Variants in TRO observed in about 807,000 individuals in gnomAD.
TRO encodes the protein MAGE superfamily protein.
TRO carries 29 observed loss-of-function variants against 42.3 expected under a neutral mutation model. The observed-to-expected ratio is 0.68, with a 90% CI of 0.51 to 0.93. TRO has a LOEUF of 0.93. Ranked by LOEUF, TRO falls within the 40% of genes least tolerant of loss-of-function variation. The probability of loss-of-function intolerance (pLI) is 0.00; values close to 1 mark genes in which losing one functional copy is unlikely to be tolerated. For missense variants in TRO, 963 were observed against 1,127.7 expected (o/e 0.85, Z 2.09); for synonymous variants, 384 against 425.2 (o/e 0.90, Z 1.19).
chrX:54,921,514 A>T (rs1932034686), intron 1 of TRO: 1 of 108,442 alleles, frequency 9.2e-6, no homozygotes, highest in South Asian at 4.2e-4. Flanking sequence ...ACACTTGCAG[A>T]CGTGGAAAGA....
chrX:54,924,497 G>A lies in TRO; in HGVS notation c.1283G>A (p.Arg428Gln), dbSNP rs772309321. 2.2e-5 allele frequency: 27 copies of A among 1,207,643 alleles called. No individual in the cohort carries two copies. The highest frequency in any genetic ancestry group is 1.1e-4 in the South Asian group (6 of 56,011). ...GDERSGSNYR[R>Q]IPWGRRPAPP... Reference sequence around the variant, plus strand: ...GAGAGAAGTGGCAGTAATTACAGGCGGATCCCATGGGGCCGGAGGCCTGCA... The same window carrying A: ...GAGAGAAGTGGCAGTAATTACAGGCAGATCCCATGGGGCCGGAGGCCTGCA... Residue 428 changes from arginine (R) to glutamine (Q), a missense_variant, in exon 4 of 13, where the codon CGG (arginine) becomes CAG (glutamine). By Grantham distance (43) the Arg-to-Gln change is conservative (BLOSUM62 1). Transcript: ENST00000173898.
chrX:54,921,989 G>T (rs1317034013), intron 1 of TRO: 4 of 327,818 alleles, frequency 1.2e-5, no homozygotes, highest in African/African-American at 1.1e-4. Context: ...GCACTATCGA[G>T]TTGCGGAGGG....
rs769430731 is a variant in TRO at position 54,923,126 on chromosome X, C to A, written c.594C>A (p.Thr198=). Residue 198 remains threonine (T), a synonymous_variant, in exon 3 of 13, where the codon ACC becomes ACA. Coordinates refer to ENST00000173898, the MANE Select transcript of TRO (RefSeq NM_001039705.3). ...NESASSQALI[T]SIKPKKASKA... ...CAGCCAGTTCCCAAGCCTTGATAAC[C>A]TCTATCAAGCCTAAGAAAGCTTCCA... is the stretch of plus-strand genomic sequence containing the variant. The A allele has an allele frequency of 1.7e-6, 2 of 1,209,919 alleles. No homozygotes were observed. Among genetic ancestry groups the A allele is most frequent in the Middle Eastern group, 2.3e-4 (1 of 4,374 alleles).
chrX:54,923,084 T>A lies in TRO; in HGVS notation c.552T>A (p.Ala184=), dbSNP rs1376491116. The A allele has an allele frequency of 1.7e-6, 2 of 1,211,633 alleles. No individual in the cohort carries two copies. The highest frequency in any genetic ancestry group is 1.8e-5 in the South Asian group (1 of 56,941). ...CAGTCATCTCACAGAATATTCACGC[T>A]CCAATTGCCAATGAGTCAGCCAGTT... ...KLPVISQNIH[A]PIANESASSQ... The change falls in exon 3 of 13, where the codon GCT becomes GCA. Residue 184 remains alanine (A), a synonymous_variant. Coordinates refer to ENST00000173898, the MANE Select transcript of TRO (RefSeq NM_001039705.3).
chrX:54,930,052 G>C lies in TRO; in HGVS notation c.3328G>C (p.Gly1110Arg). Residue 1110 changes from glycine to arginine, a missense_variant, in exon 12 of 13, where the codon GGT (glycine) becomes CGT (arginine). Transcript: ENST00000173898. ...TGCATTTAGCACCAGTGCTGGCTTC[G>C]GTGGGGCACTTAGTACCGCTGCTGA... ...GGAFSTSAGFGGALSTAADFG... is the reference protein window; with the variant it reads ...GGAFSTSAGFRGALSTAADFG... 1 of 1,207,432 alleles carries C rather than the reference G, an allele frequency of 8.3e-7. No individual in the cohort carries two copies. Among genetic ancestry groups the C allele is most frequent in the Non-Finnish European group, 1.1e-6 (1 of 892,895 alleles).
intron 3 of TRO, among the ~76,000 whole-genome samples, chrX:54,924,221 A>C (rs184660209): frequency 1.6e-4 from 18 of 112,256 alleles, no homozygotes; most frequent in Admixed American, 4.7e-4. Context: ...TTAGGCTCTT[A>C]TCTTGAGTTG....
At position 54,923,137 on chromosome X, in the gene TRO, C is replaced by T. The variant is rs1313923723; in HGVS notation, c.605C>T (p.Pro202Leu). 8.3e-7 allele frequency: 1 copy of T among 1,211,565 alleles called. No homozygotes were observed. The highest frequency in any genetic ancestry group is 1.8e-5 in the South Asian group (1 of 56,923). Residue 202 changes from proline (P) to leucine (L), a missense_variant, in exon 3 of 13, where the codon CCT becomes CTT. Physicochemically the swap from Pro to Leu is moderately conservative, Grantham distance 98. This residue lies in a region of TRO where 322 missense variants were observed against 316.5 expected (regional missense o/e 1.02). Transcript: ENST00000173898. The stretch of plus-strand genomic sequence containing the variant: ...CAAGCCTTGATAACCTCTATCAAGC[C>T]TAAGAAAGCTTCCAAGGCTAAGAAG... ...SSQALITSIK[P>L]KKASKAKKAA... is the part of the protein sequence containing the mutation.
Position 54,925,498 on chromosome X carries a change from C to G in TRO, c.1486-94C>G, listed in dbSNP as rs926349160. The stretch of plus-strand genomic sequence containing the variant: ...CACTGACTTCTTACACATGCAGACC[C>G]CCTAAGTACACTGGGAGTTTTAGGA... On this transcript the variant is annotated intron_variant, in intron 6 of 12. Coordinates refer to ENST00000173898, the MANE Select transcript of TRO (RefSeq NM_001039705.3). 4 of 714,706 alleles carry G rather than the reference C, an allele frequency of 5.6e-6. No homozygotes were observed. The African/African-American group carries it at 8.5e-5, about 15-fold the overall frequency. The allele number at this position is 714,706 out of a possible 1,213,427, so 58.9% of individuals were successfully genotyped here.
In TRO at chrX:54,922,228, T is replaced by TA; in HGVS notation, c.-18dup. ...GCCCATTCCCCTCAGGCTCACCTGTTACTCGGCCTCCCAGAAAGATGGATA... is the reference window on the plus strand; with the variant it reads ...GCCCATTCCCCTCAGGCTCACCTGTTAACTCGGCCTCCCAGAAAGATGGATA... On this transcript the variant is annotated 5_prime_UTR_variant, in exon 2 of 13. Transcript: ENST00000173898. 8.3e-7 allele frequency: 1 copy of TA among 1,207,763 alleles called. No homozygotes were observed.
chrX:54,928,603 G>A lies in TRO; in HGVS notation c.1879G>A (p.Val627Met). 1.7e-6 allele frequency: 2 copies of A among 1,143,399 alleles called. No homozygotes were observed. Among genetic ancestry groups the A allele is most frequent in the Non-Finnish European group, 2.3e-6 (2 of 863,575 alleles). 94.2% of individuals were successfully genotyped at this position (1,143,399 alleles called of 1,213,427 possible). A position where few individuals can be genotyped will look rare whatever the true frequency, so the allele number is the denominator to read the frequency against. ...KMKVLKFACR[V>M]QKKDPKDWAV... ...ATTATGATTATCATCCCCATTTCAGGTGCAGAAGAAAGACCCCAAGGACTG... is the reference window on the plus strand; with the variant it reads ...ATTATGATTATCATCCCCATTTCAGATGCAGAAGAAAGACCCCAAGGACTG... Residue 627 changes from valine to methionine, a missense_variant and splice_region_variant, in exon 12 of 13, where the codon GTG becomes ATG. Coordinates refer to ENST00000173898, the MANE Select transcript of TRO (RefSeq NM_001039705.3).
intron 7 of TRO, 53 bp from the exon 8 acceptor site, chrX:54,926,354 CCTT>C: frequency 8.8e-7 from 1 of 1,137,729 alleles, no homozygotes; most frequent in East Asian, 3.0e-5. Flanking sequence ...GAAACATAAA[CCTT>C]CTTTCTGTCC....
Position 54,923,593 on chromosome X carries a change from A to C in TRO, c.1061A>C (p.Glu354Ala), listed in dbSNP as rs1246164796. ...GCTGCCACTAAGGCTCGGGCAACTG[A>C]AAGCCAGACTCCAAATGCTGACCAA... The part of the protein sequence containing the change: ...RKAATKARAT[E>A]SQTPNADQGA... Residue 354 changes from glutamate to alanine, a missense_variant, in exon 3 of 13, where the codon GAA (glutamate) becomes GCA (alanine). Physicochemically the swap from Glu to Ala is moderately radical, Grantham distance 107 (BLOSUM62 -1). Coordinates refer to ENST00000173898, the MANE Select transcript of TRO (RefSeq NM_001039705.3). The C allele has an allele frequency of 3.3e-6, 4 of 1,202,829 alleles. No homozygotes were observed. In the African/African-American group the frequency reaches 7.0e-5, roughly 21 times the overall value.
Position 54,928,608 on chromosome X carries a change from G to A in TRO, c.1884G>A (p.Gln628=). ...MKVLKFACRV[Q]KKDPKDWAVQ... is the part of the protein sequence containing the mutation. ...GATTATCATCCCCATTTCAGGTGCA[G>A]AAGAAAGACCCCAAGGACTGGGCTG... Residue 628 remains glutamine, a synonymous_variant, in exon 12 of 13, where the codon CAG becomes CAA. Coordinates refer to ENST00000173898, the MANE Select transcript of TRO (RefSeq NM_001039705.3). 1 of 1,145,083 alleles carries A rather than the reference G, an allele frequency of 8.7e-7. No individual in the cohort carries two copies. The allele number at this position is 1,145,083 out of a possible 1,213,427, so 94.4% of individuals were successfully genotyped here.
rs1932861143 is a variant in TRO at position 54,928,678 on chromosome X, G to A, written c.1954G>A (p.Val652Met). 3 of 1,205,211 alleles carry A rather than the reference G, an allele frequency of 2.5e-6. No individual in the cohort carries two copies. The South Asian group carries it at 5.4e-5, about 22-fold the overall frequency. ...GGAGATGGAAGTCCAAGCTGCAGCTGTGGCTGTGGCTGAGGCTGAAGCCAG... is the reference window on the plus strand; with the variant it reads ...GGAGATGGAAGTCCAAGCTGCAGCTATGGCTGTGGCTGAGGCTGAAGCCAG... ...AVEMEVQAAA[V>M]AVAEAEARAE... The change falls in exon 12 of 13, where the codon GTG becomes ATG. Residue 652 changes from valine (V) to methionine (M), a missense_variant. Around this residue, in one of 2 missense-constraint regions of TRO, gnomAD observed 641 missense variants for 811.3 expected, o/e 0.79. Transcript: ENST00000173898.
Sources: allele counts gnomAD v4.1 joint callset (sites outside exome capture counted in the v4.1 genomes callset), GRCh38; gene constraint gnomAD v4.1.1; regional missense constraint gnomAD v4.1.1; transcripts MANE v1.5; gene names NCBI Gene and HGNC (gene_info 2026-07-23, HGNC 2026-07-21).